Variants in DDX3Y observed in about 807,000 individuals in gnomAD.
The protein encoded by DDX3Y is DEAD-box helicase 3 Y-linked.
A neutral mutation model predicts 15.1 loss-of-function variants in DDX3Y; 2 were observed. The ratio of observed to expected loss-of-function variants is 0.13; its 90% CI spans 0.05 to 0.42. DDX3Y has a LOEUF of 0.42. Among genes scored for constraint, DDX3Y ranks in the 10% least tolerant of loss-of-function variants. DDX3Y has a pLI of 0.99. For missense variants in DDX3Y, 81 were observed against 149.9 expected, an observed-to-expected ratio of 0.54 and a Z score of 2.40; for synonymous variants, 47 against 45.0, an observed-to-expected ratio of 1.04 and a Z score of -0.18.
chrY:12,907,558 T>A lies in DDX3Y; in HGVS notation c.67T>A (p.Ser23Thr). ...DQQLANLDLN[S>T]EKQSGGASTA... ...CTAGCTTGCTAATCTGGACCTGAAC[T>A]CTGAAAAACAGAGTGGAGGAGCAAG... Residue 23 changes from serine to threonine, a missense_variant, in exon 2 of 17, where the codon TCT becomes ACT. By Grantham distance (58) the Ser-to-Thr change is moderately conservative. Coordinates refer to ENST00000336079, the MANE Select transcript of DDX3Y (RefSeq NM_004660.5). The A allele has an allele frequency of 5.3e-6, 2 of 376,103 alleles. No individual in the cohort carries two copies. Among genetic ancestry groups the A allele is most frequent in the Non-Finnish European group, 7.4e-6 (2 of 268,844 alleles). 93.8% of individuals were successfully genotyped at this position (376,103 alleles called of 400,897 possible).
Position 12,919,338 on chromosome Y carries a change from C to G in DDX3Y, c.*1216C>G, listed in dbSNP as rs2053660317. On this transcript the variant is annotated 3_prime_UTR_variant, in exon 17 of 17. Coordinates refer to ENST00000336079, the MANE Select transcript of DDX3Y (RefSeq NM_004660.5). ...CATAGGTTTCCATGGTATTTATAGT[C>G]TCTTGTGCTAAATTTGGCCAAAGAT... 3.0e-5 allele frequency: 1 copy of G among 33,606 alleles called. No homozygotes were observed. The highest frequency in any genetic ancestry group is 1.2e-4 in the African/African-American group (1 of 8,547). The allele number at this position is 33,606 out of a possible 400,897, so 8.4% of individuals were successfully genotyped here.
chrY:12,916,456 A>AT lies in DDX3Y; in HGVS notation c.1491+20dup. 1 of 395,087 alleles carries AT rather than the reference A, an allele frequency of 2.5e-6. No homozygotes were observed. The highest frequency in any genetic ancestry group is 3.5e-6 in the Non-Finnish European group (1 of 281,880). Reference sequence around the variant, plus strand: ...GTGGCTACAGCTGTATGTATATTTTATTTTTTAATTTATCATGTGTGGATA... The same window carrying AT: ...GTGGCTACAGCTGTATGTATATTTTATTTTTTTAATTTATCATGTGTGGATA... On this transcript the variant is annotated intron_variant, in intron 13 of 16. Transcript: ENST00000336079.
Position 12,916,424 on chromosome Y carries a change from A to C in DDX3Y, c.1473A>C (p.Pro491=). 2.5e-6 allele frequency: 1 copy of C among 398,278 alleles called. No individual in the cohort carries two copies. Among genetic ancestry groups the C allele is most frequent in the Non-Finnish European group, 3.5e-6 (1 of 283,337 alleles). Residue 491 remains proline (P), a synonymous_variant, in exon 13 of 17, where the codon CCA becomes CCC. Coordinates refer to ENST00000336079, the MANE Select transcript of DDX3Y (RefSeq NM_004660.5). ...ACCAGTTTCGCTCAGGAAAAAGCCCAATTCTAGTGGCTACAGCTGTATGTA... is the reference window on the plus strand; with the variant it reads ...ACCAGTTTCGCTCAGGAAAAAGCCCCATTCTAGTGGCTACAGCTGTATGTA... The part of the protein sequence containing the change: ...ALHQFRSGKS[P]ILVATAVAAR...
In DDX3Y at chrY:12,918,287, A is replaced by C; in HGVS notation, c.*165A>C. ...AAGTCACAAGAAGAAAAATGAAAGGAAAAAACAGCAGCCCTATTCAGAAAT... is the reference window on the plus strand; with the variant it reads ...AAGTCACAAGAAGAAAAATGAAAGGCAAAAACAGCAGCCCTATTCAGAAAT... On this transcript the variant is annotated 3_prime_UTR_variant, in exon 17 of 17. Coordinates refer to ENST00000336079, the MANE Select transcript of DDX3Y (RefSeq NM_004660.5). 2 of 110,380 alleles carry C rather than the reference A, an allele frequency of 1.8e-5. No homozygotes were observed. Among genetic ancestry groups the C allele is most frequent in the African/African-American group, 1.9e-4 (2 of 10,398 alleles). The allele number at this position is 110,380 out of a possible 400,897, so 27.5% of individuals were successfully genotyped here.
Position 12,920,047 on chromosome Y carries a change from C to T in DDX3Y, c.*1925C>T, listed in dbSNP as rs2053661925. 6.0e-5 allele frequency: 2 copies of T among 33,212 alleles called. No homozygotes were observed. Among genetic ancestry groups the T allele is most frequent in the Admixed American group, 5.5e-4 (2 of 3,606 alleles). 8.3% of individuals were successfully genotyped at this position (33,212 alleles called of 400,897 possible). ...AAACTTGAGTCAAATTAAGCAGACC[C>T]GGCATTGGCAATGTAGCTGTAATTT... On this transcript the variant is annotated 3_prime_UTR_variant, in exon 17 of 17. Coordinates refer to ENST00000336079, the MANE Select transcript of DDX3Y (RefSeq NM_004660.5).
In DDX3Y at chrY:12,915,726, C is replaced by T. The variant is rs201495354; in HGVS notation, c.1116C>T (p.Gly372=). 556 of 396,582 alleles carry T rather than the reference C, an allele frequency of 1.4e-3. No individual in the cohort carries two copies. Among genetic ancestry groups the T allele is most frequent in the Non-Finnish European group, 1.9e-3 (531 of 282,898 alleles). ...IVEQDTMPPK[G]VRHTMMFSAT... ...AACAAGATACTATGCCACCAAAGGGCGTTCGTCACACCATGATGTTTAGTG... is the reference window on the plus strand; with the variant it reads ...AACAAGATACTATGCCACCAAAGGGTGTTCGTCACACCATGATGTTTAGTG... Residue 372 remains glycine (G), a synonymous_variant, in exon 11 of 17, where the codon GGC becomes GGT. Coordinates refer to ENST00000336079, the MANE Select transcript of DDX3Y (RefSeq NM_004660.5).
rs2053663881 is a variant in DDX3Y, at chrY:12,920,395, A to G, written c.*2273A>G. 2.9e-5 allele frequency: 1 copy of G among 34,075 alleles called. No homozygotes were observed. Among genetic ancestry groups the G allele is most frequent in the Admixed American group, 2.6e-4 (1 of 3,800 alleles). 8.5% of individuals were successfully genotyped at this position (34,075 alleles called of 400,897 possible). A position where few individuals can be genotyped will look rare whatever the true frequency, so the allele number is the denominator to read the frequency against. ...CTCGAGTCACTGTAAAAGTTCAGTA[A>G]TTGCTTATTGTATTAGTTTTAGATG... On this transcript the variant is annotated 3_prime_UTR_variant, in exon 17 of 17. Transcript: ENST00000336079.
At chrY:12,917,964 T>C in intron 16 of DDX3Y, 79 bp from the exon 17 acceptor site, 1 of 216,670 alleles carries the variant, frequency 4.6e-6, no homozygotes, top group Non-Finnish European at 7.8e-6. Flanking sequence ...TTTCTTTTAC[T>C]GGTTTTATGT....
rs374319238 is a variant in DDX3Y at position 12,907,492 on chromosome Y, T to C, written c.46-45T>C. 2.5e-4 allele frequency: 66 copies of C among 259,441 alleles called. No homozygotes were observed. The African/African-American group carries it at 4.6e-3, about 18-fold the overall frequency. The allele number at this position is 259,441 out of a possible 400,897, so 64.7% of individuals were successfully genotyped here. ...GTCTCATTTGTCTTTTGTGATGTTATCTGTTCTTGTGTATCAGCATGTGAG... is the reference window on the plus strand; with the variant it reads ...GTCTCATTTGTCTTTTGTGATGTTACCTGTTCTTGTGTATCAGCATGTGAG... On this transcript the variant is annotated intron_variant, in intron 1 of 16. Coordinates refer to ENST00000336079, the MANE Select transcript of DDX3Y (RefSeq NM_004660.5).
At chrY:12,906,874 C>T (rs2053613593) in intron 1 of DDX3Y, among the ~76,000 whole-genome samples, 1 of 31,939 alleles carries the variant, frequency 3.1e-5, no homozygotes, top group African/African-American at 1.2e-4. Context: ...ATTTTAGAAA[C>T]ATTAAATACG....
intron 4 of DDX3Y, among the ~76,000 whole-genome samples, chrY:12,912,340 CAT>C (rs2053631352): frequency 3.0e-5 from 1 of 33,322 alleles, no homozygotes; most frequent in African/African-American, 1.2e-4. Context: ...TCTCTTGTCA[CAT>C]GTCTACTTTC....
chrY:12,915,630 G>A lies in DDX3Y; in HGVS notation c.1020G>A (p.Lys340=). Residue 340 remains lysine (K), a splice_region_variant and synonymous_variant, in exon 11 of 17, where the codon AAG becomes AAA. Transcript: ENST00000336079. The part of the protein sequence containing the change: ...ERGKIGLDFC[K]YLVLDEADRM... ...TATCAACTGAGGGTTTTCGTAATAG[G>A]TACTTAGTGTTGGATGAAGCTGATA... The A allele has an allele frequency of 2.5e-6, 1 of 395,173 alleles. No homozygotes were observed. The highest frequency in any genetic ancestry group is 3.5e-6 in the Non-Finnish European group (1 of 281,794).
intron 16 of DDX3Y, 75 bp downstream of exon 16, chrY:12,917,617 T>C: frequency 3.4e-6 from 1 of 296,369 alleles, no homozygotes; most frequent in Non-Finnish European, 4.7e-6. Flanking sequence ...AGTCCCACTC[T>C]GTCACTCAAG....
At chrY:12,905,653 G>T in intron 1 of DDX3Y, 4 of 222,550 alleles carry the variant, frequency 1.8e-5, no homozygotes, top group Non-Finnish European at 2.6e-5. Context: ...CCGTTGCCCG[G>T]GTGCTGAGCG....
chrY:12,905,802 A>G (rs1603206126), intron 1 of DDX3Y: 4 of 311,641 alleles, frequency 1.3e-5, no homozygotes, highest in African/African-American at 7.5e-5. Flanking sequence ...CGCCCGCGGA[A>G]AGACACCTGG....
In DDX3Y at chrY:12,914,994, A is replaced by G. The variant is rs367561586; in HGVS notation, c.858+12A>G. ...AGGAAGCCAGAAAAGTAAAATATTCATTTTAGTGATTATTGCTTTTCTTAT... is the reference window on the plus strand; with the variant it reads ...AGGAAGCCAGAAAAGTAAAATATTCGTTTTAGTGATTATTGCTTTTCTTAT... On this transcript the variant is annotated intron_variant, in intron 9 of 16. Transcript: ENST00000336079. The G allele has an allele frequency of 1.8e-5, 7 of 394,331 alleles. No individual in the cohort carries two copies. Among genetic ancestry groups the G allele is most frequent in the African/African-American group, 1.3e-4 (2 of 15,631 alleles).
Position 12,912,993 on chromosome Y carries a change from T to A in DDX3Y, c.468T>A (p.Ile156=). 2.5e-6 allele frequency: 1 copy of A among 398,243 alleles called. No individual in the cohort carries two copies. Among genetic ancestry groups the A allele is most frequent in the Non-Finnish European group, 3.5e-6 (1 of 283,062 alleles). Reference sequence around the variant, plus strand: ...TGTTTTCTGGAGGAAACACGGGGATTAACTTTGAGAAATATGATGATATAC... The same window carrying A: ...TGTTTTCTGGAGGAAACACGGGGATAAACTTTGAGAAATATGATGATATAC... ...QELFSGGNTG[I]NFEKYDDIPV... is the part of the protein sequence containing the mutation. The change falls in exon 6 of 17, where the codon ATT becomes ATA. Residue 156 remains isoleucine (I), a synonymous_variant. Transcript: ENST00000336079.
intron 3 of DDX3Y, among the ~76,000 whole-genome samples, chrY:12,910,679 C>G: frequency 3.0e-5 from 1 of 33,186 alleles, no homozygotes; most frequent in Non-Finnish European, 7.4e-5. Context: ...TGACTACTTC[C>G]ATTTAGCTGA....
At chrY:12,908,793 C>T in intron 2 of DDX3Y, among the ~76,000 whole-genome samples, 1 of 33,744 alleles carries the variant, frequency 3.0e-5, no homozygotes, top group South Asian at 6.6e-4. Context: ...TGCCATTCTC[C>T]TGCCTCAGCC....
Sources: allele counts gnomAD v4.1 joint callset (sites outside exome capture counted in the v4.1 genomes callset), GRCh38; gene constraint gnomAD v4.1.1; transcripts MANE v1.5; gene names NCBI Gene and HGNC (gene_info 2026-07-23, HGNC 2026-07-21).